Variants in TNFRSF11B observed in about 807,000 individuals in gnomAD.
TNFRSF11B encodes tumor necrosis factor receptor superfamily member 11B.
A neutral mutation model predicts 43.4 loss-of-function variants in TNFRSF11B; 16 were observed. That is an observed-to-expected ratio of 0.37 (90% CI 0.25 to 0.56). The LOEUF (loss-of-function observed/expected upper bound fraction) is 0.56. Among genes scored for constraint, TNFRSF11B ranks in the 20% least tolerant of loss-of-function variants. TNFRSF11B has a pLI of 0.80. For missense variants in TNFRSF11B, 444 were observed against 490.1 expected (o/e 0.91, Z 0.89); for synonymous variants, 185 against 181.8 (o/e 1.02, Z -0.14).
At chr8:118,926,804 A>G (rs1305530239) in intron 3 of TNFRSF11B, 86 bp from the exon 4 acceptor site, 1 of 1,232,098 alleles carries the variant, frequency 8.1e-7, no homozygotes, top group Non-Finnish European at 1.2e-6. Context: ...ACAAAAAACC[A>G]ACACAATTGA....
intron 1 of TNFRSF11B, among the ~76,000 whole-genome samples, chr8:118,935,101 A>C (rs1812383876): frequency 6.6e-6 from 1 of 152,212 alleles, no homozygotes; most frequent in Non-Finnish European, 1.5e-5. Context: ...AACAATAAGC[A>C]AAATTCACTG....
intron 1 of TNFRSF11B, among the ~76,000 whole-genome samples, chr8:118,939,094 T>C (rs1407728046): frequency 6.6e-6 from 1 of 152,202 alleles, no homozygotes; most frequent in Non-Finnish European, 1.5e-5. Flanking sequence ...AGTTTACAGT[T>C]CGTCTTAGCC....
At position 118,926,637 on chromosome 8, in the gene TNFRSF11B, T is replaced by A; in HGVS notation, c.674A>T (p.Asp225Val). The A allele has an allele frequency of 1.9e-6, 3 of 1,614,126 alleles. No individual in the cohort carries two copies. The highest frequency in any genetic ancestry group is 2.5e-6 in the Non-Finnish European group (3 of 1,180,002). ...GTTTACTTTGGTGCCAGGCAAATTGTCTACCAAGACACTAAGCCAGTTAGG... is the reference window on the plus strand; with the variant it reads ...GTTTACTTTGGTGCCAGGCAAATTGACTACCAAGACACTAAGCCAGTTAGG... The part of the protein sequence containing the change: ...FTPNWLSVLV[D>V]NLPGTKVNAE... Residue 225 changes from aspartate (D) to valine (V), a missense_variant, in exon 4 of 5, where the codon GAC becomes GTC. By Grantham distance (152) the Asp-to-Val change is radical (BLOSUM62 -3). Coordinates refer to ENST00000297350, the MANE Select transcript of TNFRSF11B (RefSeq NM_002546.4).
chr8:118,924,236 T>A lies in TNFRSF11B; in HGVS notation c.*138A>T. On this transcript the variant is annotated 3_prime_UTR_variant, in exon 5 of 5. Coordinates refer to ENST00000297350, the MANE Select transcript of TNFRSF11B (RefSeq NM_002546.4). ...GTTAGTCCTTTCTCCACATCATAGTTTCTTTTAGTACCCTGTGGCAAAATT... is the reference window on the plus strand; with the variant it reads ...GTTAGTCCTTTCTCCACATCATAGTATCTTTTAGTACCCTGTGGCAAAATT... The A allele has an allele frequency of 1.1e-6, 1 of 907,672 alleles. No individual in the cohort carries two copies. Among genetic ancestry groups the A allele is most frequent in the Admixed American group, 1.9e-5 (1 of 52,348 alleles). 56.2% of individuals were successfully genotyped at this position (907,672 alleles called of 1,614,324 possible). A position where few individuals can be genotyped will look rare whatever the true frequency, so the allele number is the denominator to read the frequency against.
rs1812279916 is a variant in TNFRSF11B at position 118,928,638 on chromosome 8, G to GT, written c.592+99dup. 2.3e-6 allele frequency: 3 copies of GT among 1,314,912 alleles called. No homozygotes were observed. In the East Asian group the frequency reaches 6.9e-5, roughly 30 times the overall value. 81.5% of individuals were successfully genotyped at this position (1,314,912 alleles called of 1,614,324 possible). A position where few individuals can be genotyped will look rare whatever the true frequency, so the allele number is the denominator to read the frequency against. ...GGTTAAGATTCAAGAAAGGGAAAAT[G>GT]TAAGTTTGACCAAGAATGTGGCTGG... On this transcript the variant is annotated intron_variant, in intron 3 of 4. Coordinates refer to ENST00000297350, the MANE Select transcript of TNFRSF11B (RefSeq NM_002546.4).
intron 3 of TNFRSF11B, among the ~76,000 whole-genome samples, chr8:118,927,057 C>A (rs1812255163): frequency 6.6e-6 from 1 of 152,118 alleles, no homozygotes; most frequent in African/African-American, 2.4e-5. Context: ...TTACCTAGTA[C>A]CCACAGGGAA....
At chr8:118,924,922 C>T (rs1160510432) in intron 4 of TNFRSF11B, among the ~76,000 whole-genome samples, 160 bp from the exon 5 acceptor site, 1 of 152,088 alleles carries the variant, frequency 6.6e-6, no homozygotes, top group African/African-American at 2.4e-5. Context: ...CCATTTATTT[C>T]TAAGAACTGA....
At chr8:118,950,327 C>T (rs2129931372) in intron 1 of TNFRSF11B, among the ~76,000 whole-genome samples, 1 of 152,326 alleles carries the variant, frequency 6.6e-6, no homozygotes, top group African/African-American at 2.4e-5. Context: ...TACCATACAG[C>T]AATGACAACG....
intron 1 of TNFRSF11B, among the ~76,000 whole-genome samples, chr8:118,937,812 T>C (rs539519565): frequency 3.3e-5 from 5 of 152,312 alleles, no homozygotes; most frequent in South Asian, 2.1e-4. Flanking sequence ...GTTCCAAAGC[T>C]GAATGGATGG....
At chr8:118,930,758 TCTC>T (rs11573912) in intron 2 of TNFRSF11B, 7,282 of 453,042 alleles carry the variant, frequency 0.016, 434 homozygotes, top group African/African-American at 0.13. Context: ...GCTTGGGTCT[TCTC>T]CTGCATCCTA....
At chr8:118,950,172 C>T (rs546374380) in intron 1 of TNFRSF11B, among the ~76,000 whole-genome samples, 1 of 151,978 alleles carries the variant, frequency 6.6e-6, no homozygotes, top group South Asian at 2.1e-4. Flanking sequence ...TAACTCATTG[C>T]TAGTATGTTT....
chr8:118,944,546 C>T (rs953819096), intron 1 of TNFRSF11B, among the ~76,000 whole-genome samples: 2 of 152,160 alleles, frequency 1.3e-5, no homozygotes, highest in Non-Finnish European at 2.9e-5. Flanking sequence ...CAAACAAGTA[C>T]ATCATCCTCA....
At chr8:118,949,835 A>T (rs1179522937) in intron 1 of TNFRSF11B, among the ~76,000 whole-genome samples, 1 of 152,220 alleles carries the variant, frequency 6.6e-6, no homozygotes, top group Non-Finnish European at 1.5e-5. Flanking sequence ...TGGTGCTTCT[A>T]GTTCCTACAG....
At chr8:118,933,832 A>T (rs1812364381) in intron 1 of TNFRSF11B, among the ~76,000 whole-genome samples, 1 of 152,242 alleles carries the variant, frequency 6.6e-6, no homozygotes, top group African/African-American at 2.4e-5. Context: ...CTCTTAATTT[A>T]TTCATTTGAC....
At chr8:118,925,607 C>T (rs1003096288) in intron 4 of TNFRSF11B, among the ~76,000 whole-genome samples, 11 of 152,282 alleles carry the variant, frequency 7.2e-5, no homozygotes, top group African/African-American at 9.6e-5. Context: ...TCTGTTGCCC[C>T]GGTTTCAGAT....
At position 118,924,401 on chromosome 8, in the gene TNFRSF11B, G is replaced by C; in HGVS notation, c.1179C>G (p.Val393=). Reference sequence around the variant, plus strand: ...ATAAGCAGCTTATTTTTACTGATTGGACCTGGTTACCTATCATTTCTAAAA... The same window carrying C: ...ATAAGCAGCTTATTTTTACTGATTGCACCTGGTTACCTATCATTTCTAAAA... ...KLFLEMIGNQ[V]QSVKISCL The change falls in exon 5 of 5, where the codon GTC becomes GTG. Residue 393 remains valine (V), a synonymous_variant. Coordinates refer to ENST00000297350, the MANE Select transcript of TNFRSF11B (RefSeq NM_002546.4). The C allele has an allele frequency of 1.2e-6, 2 of 1,614,098 alleles. No homozygotes were observed. Among genetic ancestry groups the C allele is most frequent in the South Asian group, 2.2e-5 (2 of 91,060 alleles).
At chr8:118,942,788 C>T (rs1258375304) in intron 1 of TNFRSF11B, among the ~76,000 whole-genome samples, 1 of 152,066 alleles carries the variant, frequency 6.6e-6, no homozygotes. Flanking sequence ...AATCCTATCC[C>T]GTCTGAACCT....
intron 1 of TNFRSF11B, among the ~76,000 whole-genome samples, chr8:118,949,579 G>T (rs1385791257): frequency 6.6e-6 from 1 of 152,124 alleles, no homozygotes; most frequent in Non-Finnish European, 1.5e-5. Context: ...TTTGATTTTT[G>T]GTCCACATGA....
chr8:118,949,432 T>C (rs1409979662), intron 1 of TNFRSF11B, among the ~76,000 whole-genome samples: 1 of 152,168 alleles, frequency 6.6e-6, no homozygotes, highest in Non-Finnish European at 1.5e-5. Flanking sequence ...TAGGAGCTAG[T>C]GTTGATATGA....
Sources: gnomAD v4.1 joint callset for allele counts (sites outside exome capture counted in the v4.1 genomes callset) on GRCh38, gnomAD v4.1.1 for gene constraint, MANE v1.5 for transcripts, NCBI Gene and HGNC (gene_info 2026-07-23, HGNC 2026-07-21) for gene names.